RALGAPA1: variants seen among roughly 807,000 people sequenced by gnomAD.
RALGAPA1 encodes Ral GTPase activating protein catalytic subunit alpha 1, also known as ral GTPase-activating protein subunit alpha-1.
A neutral mutation model predicts 269.6 loss-of-function variants in RALGAPA1; 52 were observed. That is an observed-to-expected ratio of 0.19 (90% CI 0.15 to 0.24). RALGAPA1 has a LOEUF of 0.24. RALGAPA1 is among the 10% of genes least tolerant of loss of function. The pLI, the probability that RALGAPA1 is intolerant of heterozygous loss-of-function variation, is 1.00. For synonymous variants in RALGAPA1, 817 were observed against 1,008.3 expected (o/e 0.81, Z 3.60); for missense variants, 1,917 against 3,013.9 (o/e 0.64, Z 8.52).
chr14:35,740,250 G>A (rs1380392673), intron 11 of RALGAPA1, among the ~76,000 whole-genome samples: 2 of 152,134 alleles, frequency 1.3e-5, no homozygotes, highest in African/African-American at 4.8e-5. Context: ...CAGAAGTTAT[G>A]TGAAGGTAGA....
At chr14:35,604,270 A>G (rs943429556) in intron 36 of RALGAPA1, among the ~76,000 whole-genome samples, 1 of 152,066 alleles carries the variant, frequency 6.6e-6, no homozygotes, top group Non-Finnish European at 1.5e-5. Flanking sequence ...TTTTCAAGGG[A>G]ACAGGGTACC....
rs1298250284 is a variant in RALGAPA1, at chr14:35,748,701, T to C, written c.1135A>G (p.Ser379Gly). ...TCAATACTACAGAGACTAGATGAGC[T>C]AGGTTCTCGCTCCGTGAGAGTGCTT... Reference protein sequence around the residue: ...NTSTLTEREPSSSSLCSIDEE... With the variant: ...NTSTLTEREPGSSSLCSIDEE... The change falls in exon 10 of 42, where the codon AGC (serine) becomes GGC (glycine). Residue 379 changes from serine to glycine, a missense_variant. Physicochemically the swap from Ser to Gly is moderately conservative, Grantham distance 56 (BLOSUM62 0). This residue lies in a region of RALGAPA1 where 462 missense variants were observed against 725.6 expected (regional missense o/e 0.64). Coordinates refer to ENST00000680220, the MANE Select transcript of RALGAPA1 (RefSeq NM_001346249.2). 1 of 1,613,604 alleles carries C rather than the reference T, an allele frequency of 6.2e-7. No individual in the cohort carries two copies.
At position 35,627,433 on chromosome 14, in the gene RALGAPA1, C is replaced by T; in HGVS notation, c.6514G>A (p.Glu2172Lys). 6.2e-7 allele frequency: 1 copy of T among 1,613,666 alleles called. No individual in the cohort carries two copies. Among genetic ancestry groups the T allele is most frequent in the Non-Finnish European group, 8.5e-7 (1 of 1,179,914 alleles). The stretch of plus-strand genomic sequence containing the variant: ...ATTGTATCCCAAGTTGGTACAGTTT[C>T]TCTAAATCTTTTAAACTGGAGAGAA... ...GLSLQFKRFRETVPTWDTIRD... is the reference protein window; with the variant it reads ...GLSLQFKRFRKTVPTWDTIRD... The change falls in exon 34 of 42, where the codon GAA becomes AAA. Residue 2172 changes from glutamate (E) to lysine (K), a missense_variant. Coordinates refer to ENST00000680220, the MANE Select transcript of RALGAPA1 (RefSeq NM_001346249.2).
chr14:35,688,578 T>A lies in RALGAPA1; in HGVS notation c.3833A>T (p.His1278Leu). Residue 1278 changes from histidine (H) to leucine (L), a missense_variant, in exon 18 of 42, where the codon CAT becomes CTT. By Grantham distance (99) the His-to-Leu change is moderately conservative. Coordinates refer to ENST00000680220, the MANE Select transcript of RALGAPA1 (RefSeq NM_001346249.2). Reference protein sequence around the residue: ...SLGGVYKTVVHALSKPKANVS... With the variant: ...SLGGVYKTVVLALSKPKANVS... Reference sequence around the variant, plus strand: ...ATTTGCCTTCGGCTTCGAAAGAGCATGTACAACAGTTTTATAAACGCCACC... The same window carrying A: ...ATTTGCCTTCGGCTTCGAAAGAGCAAGTACAACAGTTTTATAAACGCCACC... 2 of 1,536,074 alleles carry A rather than the reference T, an allele frequency of 1.3e-6. No homozygotes were observed. The highest frequency in any genetic ancestry group is 1.7e-6 in the Non-Finnish European group (2 of 1,146,860).
At chr14:35,764,950 C>T (rs1254595988) in intron 4 of RALGAPA1, among the ~76,000 whole-genome samples, 1 of 152,186 alleles carries the variant, frequency 6.6e-6, no homozygotes, top group Admixed American at 6.5e-5. Context: ...AAACCAAATA[C>T]TCACTTCAAA....
chr14:35,620,156 T>C (rs1398983286), intron 35 of RALGAPA1, among the ~76,000 whole-genome samples: 9 of 152,150 alleles, frequency 5.9e-5, no homozygotes, highest in Admixed American at 5.9e-4. Context: ...AAAAAGCTTA[T>C]TCACCACGAT....
chr14:35,664,216 C>T lies in RALGAPA1; in HGVS notation c.5328+426G>A, dbSNP rs374140870. ...GGTACATGGGATCTCCATCCCAACT[C>T]CATAGTTTCCTAGAGCAGTACAGAG... is the stretch of plus-strand genomic sequence containing the variant. On this transcript the variant is annotated intron_variant, in intron 27 of 41. Transcript: ENST00000680220. Among the ~76,000 whole-genome samples the T allele has an allele frequency of 4.3e-4, 66 of 152,220 alleles. No individual in the cohort carries two copies. In the South Asian group the frequency reaches 0.013, roughly 30 times the overall value.
chr14:35,776,589 A>C (rs1214929831), intron 1 of RALGAPA1, among the ~76,000 whole-genome samples: 2 of 152,208 alleles, frequency 1.3e-5, no homozygotes, highest in African/African-American at 4.8e-5. Flanking sequence ...TAGTACTAAA[A>C]GTGAGATGTC....
At chr14:35,614,377 G>A (rs540615739) in intron 35 of RALGAPA1, among the ~76,000 whole-genome samples, 1 of 152,116 alleles carries the variant, frequency 6.6e-6, no homozygotes, top group East Asian at 1.9e-4. Context: ...GATATTTTCT[G>A]GTAATAAAAA....
At chr14:35,541,928 G>C (rs1385511749) in intron 41 of RALGAPA1, 3 of 735,968 alleles carry the variant, frequency 4.1e-6, no homozygotes, top group Non-Finnish European at 6.1e-6. Context: ...CAGAGAGAGA[G>C]GAATCAAGGT....
intron 30 of RALGAPA1, 83 bp from the exon 31 acceptor site, chr14:35,651,956 AAG>A (rs2062854531): frequency 1.7e-6 from 2 of 1,168,770 alleles, no homozygotes; most frequent in African/African-American, 3.1e-5. Flanking sequence ...TTAAATGCTG[AAG>A]TGATACAAAA....
intron 39 of RALGAPA1, among the ~76,000 whole-genome samples, chr14:35,569,164 C>T (rs973739838): frequency 9.9e-5 from 15 of 152,014 alleles, no homozygotes; most frequent in Non-Finnish European, 1.9e-4. Context: ...AGTCAATTTT[C>T]GTCAAAAGAA....
intron 39 of RALGAPA1, among the ~76,000 whole-genome samples, chr14:35,554,550 T>A (rs1017718015): frequency 1.3e-5 from 2 of 151,100 alleles, no homozygotes; most frequent in African/African-American, 4.9e-5. Context: ...GTTTCACCGT[T>A]TTAGCCGGGA....
At chr14:35,669,722 C>T (rs2064239720) in intron 26 of RALGAPA1, among the ~76,000 whole-genome samples, 1 of 152,114 alleles carries the variant, frequency 6.6e-6, no homozygotes, top group South Asian at 2.1e-4. Flanking sequence ...TATTTGATGC[C>T]CAACATTCTG....
At chr14:35,678,201 A>G in intron 21 of RALGAPA1, 99 bp from the exon 22 acceptor site, 1 of 1,177,432 alleles carries the variant, frequency 8.5e-7, no homozygotes, top group East Asian at 2.7e-5. Flanking sequence ...TTAAACACCA[A>G]AAGATAAAAC....
At chr14:35,715,913 T>C in intron 16 of RALGAPA1, 2 of 985,336 alleles carry the variant, frequency 2.0e-6, no homozygotes, top group Non-Finnish European at 2.4e-6. Context: ...GTCAAGGAAA[T>C]GAGTAAGAAG....
chr14:35,783,074 T>C (rs2075565292), intron 1 of RALGAPA1, among the ~76,000 whole-genome samples: 1 of 152,080 alleles, frequency 6.6e-6, no homozygotes, highest in Non-Finnish European at 1.5e-5. Context: ...TCCTCTCACC[T>C]CTACTCCCAA....
intron 37 of RALGAPA1, among the ~76,000 whole-genome samples, chr14:35,582,550 T>A (rs1431414292): frequency 6.6e-6 from 1 of 152,124 alleles, no homozygotes; most frequent in African/African-American, 2.4e-5. Context: ...AAACCTGAAC[T>A]AAAATTGAAC....
intron 2 of RALGAPA1, 23 bp downstream of exon 2, chr14:35,775,612 C>A: frequency 6.5e-7 from 1 of 1,549,748 alleles, no homozygotes; most frequent in East Asian, 2.4e-5. Flanking sequence ...TAACATACGC[C>A]AAGATATATG....
Sources: allele counts gnomAD v4.1 joint callset (sites outside exome capture counted in the v4.1 genomes callset), GRCh38; gene constraint gnomAD v4.1.1; regional missense constraint gnomAD v4.1.1; transcripts MANE v1.5; gene names NCBI Gene and HGNC (gene_info 2026-07-23, HGNC 2026-07-21).